ADAM33: variants seen among roughly 807,000 people sequenced by gnomAD.
The protein encoded by ADAM33 is disintegrin and metalloproteinase domain-containing protein 33.
Under a neutral mutation model 106.2 loss-of-function variants are expected in ADAM33, and 103 were observed. The ratio of observed to expected loss-of-function variants is 0.97; its 90% CI spans 0.83 to 1.14. The LOEUF (loss-of-function observed/expected upper bound fraction) is 1.14, where lower values mean the gene tolerates loss of function less well. ADAM33 is among the 50% of genes most tolerant of loss of function. The pLI is 0.00. For synonymous variants in ADAM33, 483 were observed against 453.0 expected (o/e 1.07, Z -0.84); for missense variants, 1,120 against 1,096.6 (o/e 1.02, Z -0.30).
In ADAM33 at chr20:3,674,510, C is replaced by CT; in HGVS notation, c.593dup (p.Ser199GlufsTer148). 1 of 1,613,286 alleles carries CT rather than the reference C, an allele frequency of 6.2e-7. No homozygotes were observed. Among genetic ancestry groups the CT allele is most frequent in the South Asian group, 1.1e-5 (1 of 91,042 alleles). ...TCCGATCGATGCCCCTGACCCTGCTCTGGGGACCACCAGGAAGGCTGGTCA... is the reference window on the plus strand; with the variant it reads ...TCCGATCGATGCCCCTGACCCTGCTCTTGGGGACCACCAGGAAGGCTGGTCA... On this transcript the variant is annotated frameshift_variant, in exon 6 of 22. Transcript: ENST00000356518. LOFTEE classifies it high-confidence loss of function.
rs753842555 is a variant in ADAM33, at chr20:3,673,499, G to T, written c.991-3C>A. On this transcript the variant is annotated splice_region_variant and splice_polypyrimidine_tract_variant and intron_variant, in intron 10 of 21. Coordinates refer to ENST00000356518, the MANE Select transcript of ADAM33 (RefSeq NM_025220.5). ...CCGATGGGGAGCTCCGAGTGGTCCT[G>T]GGGGGCCGTGGGAGGGCGGTCACTG... 1.5e-5 allele frequency: 22 copies of T among 1,487,086 alleles called. No individual in the cohort carries two copies. The highest frequency in any genetic ancestry group is 1.9e-4 in the Middle Eastern group (1 of 5,302). The allele number at this position is 1,487,086 out of a possible 1,614,324, so 92.1% of individuals were successfully genotyped here.
rs1188624689 is a variant in ADAM33 at position 3,675,041 on chromosome 20, C to A, written c.319G>T (p.Ala107Ser). 1.2e-6 allele frequency: 2 copies of A among 1,613,384 alleles called. No individual in the cohort carries two copies. Among genetic ancestry groups the A allele is most frequent in the South Asian group, 2.2e-5 (2 of 90,786 alleles). ...YGPDGQPVVLAPNHTDHCHYQ... is the reference protein window; with the variant it reads ...YGPDGQPVVLSPNHTDHCHYQ... ...AAGCATCTCACCGTGTGGTTGGGGG[C>A]CAGCACCACTGGCTGCCCATCTGGG... is the stretch of plus-strand genomic sequence containing the variant. The change falls in exon 4 of 22, where the codon GCC (alanine) becomes TCC (serine). Residue 107 changes from alanine to serine, a missense_variant. Physicochemically the swap from Ala to Ser is moderately conservative, Grantham distance 99. Transcript: ENST00000356518. The surrounding 1 kb of genome is among the most constrained non-coding windows in gnomAD (Gnocchi z 4.1).
intron 2 of ADAM33, 60 bp from the exon 3 acceptor site, chr20:3,677,203 A>C: frequency 6.9e-7 from 1 of 1,456,744 alleles, no homozygotes; most frequent in Non-Finnish European, 9.1e-7. Flanking sequence ...CCTGCCAGGG[A>C]GTAGGTGGCC....
chr20:3,676,150 G>A (rs1265910286), intron 3 of ADAM33, among the ~76,000 whole-genome samples: 3 of 152,218 alleles, frequency 2.0e-5, no homozygotes. Context: ...TTAAGAGCCT[G>A]CGCTCCAGCC....
chr20:3,668,459 GA>G lies in ADAM33; in HGVS notation c.*503del, dbSNP rs142082781. ...CCTAGGGGAGAAGACAGGGTGGGAA[GA>G]AACAGGAAGGAAGGTCCCCAAAATT... On this transcript the variant is annotated 3_prime_UTR_variant, in exon 22 of 22. Transcript: ENST00000356518. The G allele has an allele frequency of 4.6e-3, 791 of 173,838 alleles. 6 individuals carry two copies. Among genetic ancestry groups the G allele is most frequent in the African/African-American group, 0.018 (768 of 42,298 alleles). 10.8% of individuals were successfully genotyped at this position (173,838 alleles called of 1,614,324 possible).
chr20:3,678,456 T>C (rs994606671), intron 2 of ADAM33, among the ~76,000 whole-genome samples: 3 of 152,174 alleles, frequency 2.0e-5, no homozygotes, highest in African/African-American at 7.2e-5. Flanking sequence ...AGCCTTCCCC[T>C]CCTGGGGATG....
In ADAM33 at chr20:3,672,179, C is replaced by T. The variant is rs761895855; in HGVS notation, c.1552G>A (p.Ala518Thr). The T allele has an allele frequency of 1.2e-5, 20 of 1,613,044 alleles. No homozygotes were observed. The highest frequency in any genetic ancestry group is 1.6e-4 in the Middle Eastern group (1 of 6,080). The change falls in exon 14 of 22, where the codon GCA (alanine) becomes ACA (threonine). Residue 518 changes from alanine to threonine, a missense_variant. Coordinates refer to ENST00000356518, the MANE Select transcript of ADAM33 (RefSeq NM_025220.5). ...ARGSGYCWDG[A>T]CPTLEQQCQQ... is the part of the protein sequence containing the mutation. ...CACTGCTGCTCCAGCGTGGGACATG[C>T]GCCATCCCAGCAGTAGCCACTGCCC...
In ADAM33 at chr20:3,673,858, G is replaced by C. The variant is rs756637164; in HGVS notation, c.792C>G (p.Thr264=). 6.4e-7 allele frequency: 1 copy of C among 1,568,374 alleles called. No individual in the cohort carries two copies. Among genetic ancestry groups the C allele is most frequent in the Non-Finnish European group, 8.6e-7 (1 of 1,164,890 alleles). The change falls in exon 9 of 22, where the codon ACC becomes ACG. Residue 264 remains threonine (T), a synonymous_variant. Coordinates refer to ENST00000356518, the MANE Select transcript of ADAM33 (RefSeq NM_025220.5). The part of the protein sequence containing the change: ...QVALTGLEVW[T]ERDRSRVTQD... ...GCGTGACGCGGCTGCGGTCCCGCTC[G>C]GTCCACACCTCCAGGCCGGTCAGCG...
At chr20:3,677,182 C>T (rs751890200) in intron 2 of ADAM33, 39 bp from the exon 3 acceptor site, 2 of 1,536,930 alleles carry the variant, frequency 1.3e-6, no homozygotes, top group South Asian at 1.2e-5. Context: ...TGGTGGCCTC[C>T]AGGCCTCCTG....
chr20:3,681,408 G>A (rs1406358538), intron 1 of ADAM33, among the ~76,000 whole-genome samples: 1 of 152,204 alleles, frequency 6.6e-6, no homozygotes, highest in Non-Finnish European at 1.5e-5. Context: ...CGAGGGGTGA[G>A]CAGGGTGGAG....
chr20:3,672,392 C>G (rs927792492), intron 13 of ADAM33, 63 bp from the exon 14 acceptor site: 1 of 1,585,818 alleles, frequency 6.3e-7, no homozygotes. Context: ...AGGTCCATGC[C>G]GAGAGCGCGG....
chr20:3,674,359 A>C, intron 6 of ADAM33, 75 bp from the exon 7 acceptor site: 4 of 1,608,406 alleles, frequency 2.5e-6, no homozygotes, highest in Non-Finnish European at 3.4e-6. Flanking sequence ...CAGCTCCCAG[A>C]AGGAAGTTTA....
chr20:3,668,707 C>A lies in ADAM33; in HGVS notation c.*256G>T. The stretch of plus-strand genomic sequence containing the variant: ...GTGAGGGAGGTCAGGGGCTGTGTGA[C>A]CTTTGCTTCTGGGACTGATGGTTTA... On this transcript the variant is annotated 3_prime_UTR_variant, in exon 22 of 22. Transcript: ENST00000356518. 1.9e-6 allele frequency: 1 copy of A among 525,096 alleles called. No individual in the cohort carries two copies. The highest frequency in any genetic ancestry group is 3.5e-6 in the Non-Finnish European group (1 of 289,826). 32.5% of individuals were successfully genotyped at this position (525,096 alleles called of 1,614,324 possible).
Position 3,672,615 on chromosome 20 carries a change from G to A in ADAM33, c.1323C>T (p.Asp441=). ...AGCAGTTGTGAGCAAAGCAGCAGAG[G>A]TCGCGGCACTCCTGGGACCAGAAAG... The part of the protein sequence containing the change: ...CDCGPGQECR[D]LCCFAHNCSL... Residue 441 remains aspartate, a synonymous_variant, in exon 13 of 22, where the codon GAC becomes GAT. Coordinates refer to ENST00000356518, the MANE Select transcript of ADAM33 (RefSeq NM_025220.5). The A allele has an allele frequency of 6.2e-7, 1 of 1,613,506 alleles. No individual in the cohort carries two copies. The highest frequency in any genetic ancestry group is 8.5e-7 in the Non-Finnish European group (1 of 1,179,900).
chr20:3,673,608 A>C lies in ADAM33; in HGVS notation c.956T>G (p.Met319Arg). The part of the protein sequence containing the change: ...ATVGLAPVEG[M>R]CRAESSGGVS... ...GCCTCCCGAGCTCTCGGCGCGGCACATGCCCTCGACGGGCGCCAGGCCCAC... is the reference window on the plus strand; with the variant it reads ...GCCTCCCGAGCTCTCGGCGCGGCACCTGCCCTCGACGGGCGCCAGGCCCAC... Residue 319 changes from methionine to arginine, a missense_variant, in exon 10 of 22, where the codon ATG becomes AGG. By Grantham distance (91) the Met-to-Arg change is moderately conservative. Transcript: ENST00000356518. 7.3e-7 allele frequency: 1 copy of C among 1,365,276 alleles called. No homozygotes were observed. Among genetic ancestry groups the C allele is most frequent in the Non-Finnish European group, 9.4e-7 (1 of 1,066,786 alleles). 84.6% of individuals were successfully genotyped at this position (1,365,276 alleles called of 1,614,324 possible).
intron 16 of ADAM33, 26 bp from the exon 17 acceptor site, chr20:3,671,522 G>A (rs1469181042): frequency 6.8e-6 from 11 of 1,609,880 alleles, no homozygotes; most frequent in East Asian, 2.2e-5. Context: ...CAGGCAGTGA[G>A]GGGGACACTG....
At chr20:3,679,676 G>A in intron 1 of ADAM33, 105 bp from the exon 2 acceptor site, 4 of 967,328 alleles carry the variant, frequency 4.1e-6, no homozygotes, top group Non-Finnish European at 6.3e-6. Context: ...AGGCACTGGA[G>A]GCCTTTTGGG....
chr20:3,673,071 T>TA, intron 11 of ADAM33, 173 bp from the exon 12 acceptor site: 1 of 1,444,792 alleles, frequency 6.9e-7, no homozygotes, highest in Non-Finnish European at 9.1e-7. Flanking sequence ...GCGGCCCCAA[T>TA]AGTGAGCAGC....
rs1405530933 is a variant in ADAM33 at position 3,672,840 on chromosome 20, G to A, written c.1192C>T (p.Arg398Cys). ...GAGAGGCAAGCGCCGCCCCCCTTGC[G>A]GAAGAAGGCGCGCAGCTGGCGGCGG... ...CSRRQLRAFF[R>C]KGGGACLSNA... The change falls in exon 12 of 22, where the codon CGC becomes TGC. Residue 398 changes from arginine to cysteine, a missense_variant. Transcript: ENST00000356518. The A allele has an allele frequency of 3.8e-6, 6 of 1,575,870 alleles. No homozygotes were observed. The highest frequency in any genetic ancestry group is 1.4e-5 in the African/African-American group (1 of 73,406).
Sources: allele counts gnomAD v4.1 joint callset (sites outside exome capture counted in the v4.1 genomes callset), GRCh38; gene constraint gnomAD v4.1.1; non-coding constraint Gnocchi (gnomAD v3.1); transcripts MANE v1.5; gene names NCBI Gene and HGNC (gene_info 2026-07-23, HGNC 2026-07-21).